The following ECPAS variants were observed in gnomAD, a reference collection of about 807,000 sequenced individuals.
The protein encoded by ECPAS is Ecm29 proteasome adaptor and scaffold, also known as proteasome adapter and scaffold protein ECM29.
A neutral mutation model predicts 255.1 loss-of-function variants in ECPAS; 70 were observed. The observed-to-expected ratio is 0.27, with a 90% CI of 0.23 to 0.33. The LOEUF (loss-of-function observed/expected upper bound fraction) is 0.33, where lower values mean the gene tolerates loss of function less well. Ranked by LOEUF, ECPAS falls within the 10% of genes least tolerant of loss-of-function variation. The pLI, the probability that ECPAS is intolerant of heterozygous loss-of-function variation, is 1.00. For missense variants in ECPAS, 1,817 were observed against 2,206.4 expected, an observed-to-expected ratio of 0.82 and a Z score of 3.54; for synonymous variants, 784 against 775.0, an observed-to-expected ratio of 1.01 and a Z score of -0.19.
intron 1 of ECPAS, among the ~76,000 whole-genome samples, chr9:111,477,441 G>A (rs1222090340): frequency 1.3e-5 from 2 of 151,976 alleles, no homozygotes; most frequent in Non-Finnish European, 2.9e-5. Context: ...ACTACAGAAG[G>A]TTCTTTCTGG....
At chr9:111,370,366 G>A (rs2098125852) in intron 45 of ECPAS, 69 bp downstream of exon 45, 1 of 1,080,718 alleles carries the variant, frequency 9.3e-7, no homozygotes, top group Non-Finnish European at 1.3e-6. Flanking sequence ...TCAGGACATA[G>A]GGGAAAACAA....
At chr9:111,438,825 G>A (rs1440769957) in intron 6 of ECPAS, among the ~76,000 whole-genome samples, 1 of 152,162 alleles carries the variant, frequency 6.6e-6, no homozygotes. Flanking sequence ...CAAACAAGAG[G>A]GGCAGGAGGA....
At chr9:111,371,166 T>A (rs2098126840) in intron 43 of ECPAS, among the ~76,000 whole-genome samples, 1 of 152,112 alleles carries the variant, frequency 6.6e-6, no homozygotes, top group Admixed American at 6.5e-5. Context: ...CTGTTAAGAA[T>A]CCTACTAAAG....
At position 111,384,288 on chromosome 9, in the gene ECPAS, G is replaced by A. The variant is rs565377527; in HGVS notation, c.3681+234C>T. On this transcript the variant is annotated intron_variant, in intron 34 of 49. Transcript: ENST00000684092. ...GTGATGTGCTCTTCAGGGTTAAGTC[G>A]AAGTTTTATCTTAATTTCACCATTT... Among the ~76,000 whole-genome samples the A allele has an allele frequency of 9.7e-4, 147 of 152,224 alleles. 1 individual carries two copies. The highest frequency in any genetic ancestry group is 1.7e-3 in the Non-Finnish European group (118 of 68,008).
intron 1 of ECPAS, among the ~76,000 whole-genome samples, chr9:111,481,755 A>T (rs1032272430): frequency 6.6e-6 from 1 of 152,252 alleles, no homozygotes; most frequent in Non-Finnish European, 1.5e-5. Context: ...ACAAGGGAAT[A>T]TCATTCAACC....
chr9:111,473,998 GTAAGTT>G (rs2098292970), intron 1 of ECPAS, among the ~76,000 whole-genome samples: 4 of 152,084 alleles, frequency 2.6e-5, no homozygotes, highest in African/African-American at 9.7e-5. Context: ...AAAAAATCTT[GTAAGTT>G]TTATTATCTC....
Position 111,383,231 on chromosome 9 carries a change from C to G in ECPAS, c.3783G>C (p.Val1261=). 6.2e-7 allele frequency: 1 copy of G among 1,613,846 alleles called. No homozygotes were observed. The highest frequency in any genetic ancestry group is 8.5e-7 in the Non-Finnish European group (1 of 1,179,836). The change falls in exon 35 of 50, where the codon GTG becomes GTC. Residue 1261 remains valine, a synonymous_variant. Coordinates refer to ENST00000684092, the MANE Select transcript of ECPAS (RefSeq NM_001364929.1). The part of the protein sequence containing the change: ...CLLDKGMMST[V]TEVRALSINT... The stretch of plus-strand genomic sequence containing the variant: ...CACACCTGAGGGCTCGAACTTCCGT[C>G]ACGGTGCTCATCATTCCTTTGTCCA...
At chr9:111,468,549 A>G (rs2098282231) in intron 2 of ECPAS, among the ~76,000 whole-genome samples, 1 of 152,140 alleles carries the variant, frequency 6.6e-6, no homozygotes, top group Non-Finnish European at 1.5e-5. Flanking sequence ...GGGGTGAACC[A>G]GTAAAAGGGC....
chr9:111,373,484 C>T, intron 39 of ECPAS, 78 bp from the exon 40 acceptor site: 1 of 1,143,590 alleles, frequency 8.7e-7, no homozygotes, highest in Non-Finnish European at 1.3e-6. Context: ...CCAAACAAAC[C>T]TAACCCTGTA....
chr9:111,434,841 GC>G (rs1426988601), intron 7 of ECPAS, among the ~76,000 whole-genome samples: 1 of 146,204 alleles, frequency 6.8e-6, no homozygotes, highest in Non-Finnish European at 1.5e-5. Flanking sequence ...CAAGCGATCT[GC>G]CCAACATGGC....
intron 2 of ECPAS, among the ~76,000 whole-genome samples, chr9:111,455,259 C>G (rs770257768): frequency 1.3e-5 from 2 of 152,086 alleles, no homozygotes; most frequent in African/African-American, 4.8e-5. Context: ...CCAAGGAGGG[C>G]AGATCATGAG....
chr9:111,375,740 G>C (rs2098132684), intron 37 of ECPAS, among the ~76,000 whole-genome samples: 2 of 151,870 alleles, frequency 1.3e-5, no homozygotes, highest in East Asian at 3.8e-4. Flanking sequence ...ATCCAACTAA[G>C]ACATAACATT....
chr9:111,366,993 CA>C (rs2098121129), intron 46 of ECPAS, among the ~76,000 whole-genome samples: 1 of 152,118 alleles, frequency 6.6e-6, no homozygotes. Flanking sequence ...CTTTGCCCCT[CA>C]AAACTCCCTG....
At chr9:111,378,148 A>AAAAAATAAAAAT (rs368322869) in intron 36 of ECPAS, among the ~76,000 whole-genome samples, 14 of 151,246 alleles carry the variant, frequency 9.3e-5, no homozygotes, top group East Asian at 7.8e-4. Context: ...TCCGTCTCCA[A>AAAAAATAAAAAT]AAAAATAAAA....
At chr9:111,458,552 G>T (rs2098269574) in intron 2 of ECPAS, among the ~76,000 whole-genome samples, 1 of 151,920 alleles carries the variant, frequency 6.6e-6, no homozygotes, top group Non-Finnish European at 1.5e-5. Flanking sequence ...CTCAGGATGG[G>T]GGTTGATCAC....
At chr9:111,373,575 A>G (rs1336826646) in intron 39 of ECPAS, among the ~76,000 whole-genome samples, 169 bp from the exon 40 acceptor site, 2 of 152,184 alleles carry the variant, frequency 1.3e-5, no homozygotes. Flanking sequence ...TTTACATGAT[A>G]TAAAGTTAAA....
chr9:111,420,727 C>T (rs2098212257), intron 15 of ECPAS, among the ~76,000 whole-genome samples: 1 of 152,126 alleles, frequency 6.6e-6, no homozygotes, highest in Non-Finnish European at 1.5e-5. Flanking sequence ...TTTATTCTTA[C>T]GTACCTTCCC....
intron 9 of ECPAS, among the ~76,000 whole-genome samples, chr9:111,428,752 GA>G (rs899542234): frequency 1.4e-5 from 2 of 144,020 alleles, no homozygotes; most frequent in African/African-American, 2.5e-5. Flanking sequence ...TTTAAAAAAT[GA>G]AAAAAAAAAG....
intron 10 of ECPAS, among the ~76,000 whole-genome samples, chr9:111,426,310 C>T (rs1009636513): frequency 6.7e-6 from 1 of 148,890 alleles, no homozygotes; most frequent in Non-Finnish European, 1.5e-5. Context: ...TATTAACCAA[C>T]AACATCAAAA....
Sources: allele counts gnomAD v4.1 joint callset (sites outside exome capture counted in the v4.1 genomes callset), GRCh38; gene constraint gnomAD v4.1.1; transcripts MANE v1.5; gene names NCBI Gene and HGNC (gene_info 2026-07-23, HGNC 2026-07-21).